ANKHD1: variants seen among roughly 807,000 people sequenced by gnomAD.
ANKHD1 encodes ankyrin repeat and KH domain containing 1, also known as ankyrin repeat and KH domain-containing protein 1.
Under a neutral mutation model 230.5 loss-of-function variants are expected in ANKHD1, and 31 were observed. The ratio of observed to expected loss-of-function variants is 0.13; its 90% CI spans 0.10 to 0.18. The LOEUF is 0.18. Ranked by LOEUF, ANKHD1 falls within the 10% of genes least tolerant of loss-of-function variation. ANKHD1 has a pLI of 1.00. For missense variants in ANKHD1, 2,256 were observed against 3,071.3 expected (o/e 0.73, Z 6.27); for synonymous variants, 1,074 against 1,117.6 (o/e 0.96, Z 0.78).
intron 29 of ANKHD1, 127 bp from the exon 30 acceptor site, chr5:140,535,235 C>T (rs760134369): frequency 3.5e-5 from 49 of 1,386,728 alleles, no homozygotes; most frequent in Non-Finnish European, 4.3e-5. Context: ...TGAAAATGAG[C>T]CACATGCTAT....
chr5:140,440,032 T>C lies in ANKHD1; in HGVS notation c.618-87T>C, dbSNP rs1189135858. On this transcript the variant is annotated intron_variant, in intron 3 of 33. Transcript: ENST00000360839. ...CTTTTACTGCATTAACATTTTTCTT[T>C]GTGTGACTATTTATATTTAATATAA... 4.4e-6 allele frequency: 6 copies of C among 1,351,616 alleles called. No homozygotes were observed. In the Admixed American group the frequency reaches 8.6e-5, roughly 19 times the overall value. The allele number at this position is 1,351,616 out of a possible 1,614,324, so 83.7% of individuals were successfully genotyped here.
At chr5:140,459,084 T>C in intron 8 of ANKHD1, 80 bp from the exon 9 acceptor site, 1 of 1,266,944 alleles carries the variant, frequency 7.9e-7, no homozygotes, top group East Asian at 3.0e-5. Flanking sequence ...AAGACAGAGA[T>C]GATTATCACA....
rs975090564 is a variant in ANKHD1 at position 140,438,731 on chromosome 5, G to A, written c.617+114G>A. ...GGAGCTTATAAACTTTAGCTGAAAG[G>A]ATATTACATTTTAAGTGGATATATA... On this transcript the variant is annotated intron_variant, in intron 3 of 33. Coordinates refer to ENST00000360839, the MANE Select transcript of ANKHD1 (RefSeq NM_017747.3). 1.1e-5 allele frequency: 15 copies of A among 1,353,478 alleles called. No individual in the cohort carries two copies. The South Asian group carries it at 2.3e-4, about 21-fold the overall frequency. 83.8% of individuals were successfully genotyped at this position (1,353,478 alleles called of 1,614,324 possible).
chr5:140,426,275 C>T (rs1325722479), intron 1 of ANKHD1, among the ~76,000 whole-genome samples: 8 of 152,122 alleles, frequency 5.3e-5, no homozygotes, highest in Admixed American at 2.0e-4. Flanking sequence ...ACTACAGGCA[C>T]ACACCATCAC....
At chr5:140,499,871 CTTTTT>C (rs543786978) in intron 15 of ANKHD1, among the ~76,000 whole-genome samples, 1 of 140,460 alleles carries the variant, frequency 7.1e-6, no homozygotes, top group Non-Finnish European at 1.6e-5. Flanking sequence ...AATTTTCTTT[CTTTTT>C]TTTTTTTTTT....
At chr5:140,489,452 T>G (rs1751670552) in intron 14 of ANKHD1, among the ~76,000 whole-genome samples, 2 of 151,982 alleles carry the variant, frequency 1.3e-5, no homozygotes, top group Non-Finnish European at 1.5e-5. Flanking sequence ...ATTGTACCAC[T>G]GCACTCCAGC....
chr5:140,409,108 G>A (rs774621948), intron 1 of ANKHD1, among the ~76,000 whole-genome samples: 3 of 152,066 alleles, frequency 2.0e-5, no homozygotes, highest in Middle Eastern at 3.2e-3. Context: ...GAGAGCTACC[G>A]GTCTAGAGGC....
At chr5:140,511,776 T>C (rs1310511569) in intron 22 of ANKHD1, among the ~76,000 whole-genome samples, 1 of 152,188 alleles carries the variant, frequency 6.6e-6, no homozygotes, top group Non-Finnish European at 1.5e-5. Flanking sequence ...CCCATAAACA[T>C]ATAAATTATT....
chr5:140,417,380 T>C (rs935587988), intron 1 of ANKHD1, among the ~76,000 whole-genome samples: 2 of 151,816 alleles, frequency 1.3e-5, no homozygotes, highest in South Asian at 4.1e-4. Flanking sequence ...TTTTTTTGGT[T>C]ATTATTTATG....
intron 1 of ANKHD1, among the ~76,000 whole-genome samples, chr5:140,409,922 A>T (rs574959680): frequency 1.3e-5 from 2 of 152,196 alleles, no homozygotes; most frequent in African/African-American, 4.8e-5. Context: ...AAGACTTTAC[A>T]TATAAAATGA....
chr5:140,497,261 T>C lies in ANKHD1; in HGVS notation c.2987T>C (p.Leu996Pro). ...ATPAQTLTDTLDDLIAAVSTR... is the reference protein window; with the variant it reads ...ATPAQTLTDTPDDLIAAVSTR... ...CCAGCTCAGACGCTTACCGACACTC[T>C]TGATGACCTGATAGCAGGTGGGTTA... The change falls in exon 15 of 34, where the codon CTT (leucine) becomes CCT (proline). Residue 996 changes from leucine (L) to proline (P), a missense_variant. Physicochemically the swap from Leu to Pro is moderately conservative, Grantham distance 98. Coordinates refer to ENST00000360839, the MANE Select transcript of ANKHD1 (RefSeq NM_017747.3). 1 of 1,603,844 alleles carries C rather than the reference T, an allele frequency of 6.2e-7. No individual in the cohort carries two copies. The highest frequency in any genetic ancestry group is 8.5e-7 in the Non-Finnish European group (1 of 1,179,482).
At chr5:140,523,828 T>C (rs1178685451) in intron 24 of ANKHD1, among the ~76,000 whole-genome samples, 2 of 152,196 alleles carry the variant, frequency 1.3e-5, no homozygotes, top group African/African-American at 4.8e-5. Context: ...CTCAAAGTGC[T>C]GGGATTATAG....
chr5:140,513,040 A>C, intron 23 of ANKHD1, 117 bp downstream of exon 23: 1 of 1,012,858 alleles, frequency 9.9e-7, no homozygotes, highest in South Asian at 1.7e-5. Flanking sequence ...TGATCTCTTT[A>C]TGCGTTTGTT....
At chr5:140,466,102 T>C (rs1016291317) in intron 10 of ANKHD1, among the ~76,000 whole-genome samples, 1 of 152,108 alleles carries the variant, frequency 6.6e-6, no homozygotes, top group African/African-American at 2.4e-5. Context: ...TTCTAAAAAA[T>C]TGAATAGGGC....
chr5:140,509,765 A>G lies in ANKHD1; in HGVS notation c.3894A>G (p.Ile1298Met), dbSNP rs1333798895. Residue 1298 changes from isoleucine (I) to methionine (M), a missense_variant, in exon 21 of 34, where the codon ATA becomes ATG. Ile to Met is a conservative substitution (Grantham distance 10). Transcript: ENST00000360839. ...CCTCAAGAGATACTGCTTTAACAAT[A>G]GCAGCAGACAAAGGTCACTACAAAT... ...VPSSRDTALT[I>M]AADKGHYKFC... The G allele has an allele frequency of 6.2e-7, 1 of 1,612,852 alleles. No individual in the cohort carries two copies. Among genetic ancestry groups the G allele is most frequent in the East Asian group, 2.2e-5 (1 of 44,876 alleles).
At chr5:140,489,139 A>C (rs563379185) in intron 14 of ANKHD1, among the ~76,000 whole-genome samples, 1 of 151,664 alleles carries the variant, frequency 6.6e-6, no homozygotes, top group African/African-American at 2.4e-5. Context: ...GCAGTGAGTC[A>C]TGAGTGTGCC....
intron 24 of ANKHD1, among the ~76,000 whole-genome samples, chr5:140,520,714 G>A (rs1412609670): frequency 1.4e-5 from 2 of 147,098 alleles, no homozygotes; most frequent in Non-Finnish European, 3.0e-5. Context: ...TCACTCATAG[G>A]TGGGAATTGA....
chr5:140,409,907 GCCTT>G (rs1770788706), intron 1 of ANKHD1, among the ~76,000 whole-genome samples: 1 of 152,050 alleles, frequency 6.6e-6, no homozygotes, highest in African/African-American at 2.4e-5. Flanking sequence ...ATGATGTAAA[GCCTT>G]AAGACTTTAC....
At chr5:140,413,649 G>GT (rs994382262) in intron 1 of ANKHD1, among the ~76,000 whole-genome samples, 2 of 152,132 alleles carry the variant, frequency 1.3e-5, no homozygotes, top group African/African-American at 4.8e-5. Flanking sequence ...TAATCCAGTT[G>GT]TTGCTTGTGT....
Sources: gnomAD v4.1 joint callset for allele counts (sites outside exome capture counted in the v4.1 genomes callset) on GRCh38, gnomAD v4.1.1 for gene constraint, MANE v1.5 for transcripts, NCBI Gene and HGNC (gene_info 2026-07-23, HGNC 2026-07-21) for gene names.